MIIP: variants seen among roughly 807,000 people sequenced by gnomAD.
The protein encoded by MIIP is migration and invasion inhibitory protein.
Under a neutral mutation model 44.8 loss-of-function variants are expected in MIIP, and 44 were observed. That is an observed-to-expected ratio of 0.98 (90% CI 0.77 to 1.26). The LOEUF (loss-of-function observed/expected upper bound fraction) is 1.26. Ranked by LOEUF, MIIP falls within the 50% of genes most tolerant of loss-of-function variation. The pLI is 0.00. For missense variants in MIIP, 496 were observed against 511.7 expected (o/e 0.97, Z 0.30); for synonymous variants, 225 against 218.3 (o/e 1.03, Z -0.27).
intron 6 of MIIP, 160 bp from the exon 7 acceptor site, chr1:12,029,605 C>A: frequency 9.6e-7 from 1 of 1,046,842 alleles, no homozygotes; most frequent in Non-Finnish European, 1.4e-6. Flanking sequence ...AGGGCGTGGG[C>A]CCCAGGTTCT....
intron 4 of MIIP, among the ~76,000 whole-genome samples, chr1:12,028,345 T>C (rs1320030803): frequency 2.0e-5 from 3 of 152,166 alleles, no homozygotes; most frequent in Non-Finnish European, 4.4e-5. Context: ...TGTAAAAATA[T>C]GTGGCTGATG....
intron 8 of MIIP, 89 bp from the exon 9 acceptor site, chr1:12,031,177 G>C: frequency 6.8e-7 from 1 of 1,465,920 alleles, no homozygotes; most frequent in Non-Finnish European, 9.2e-7. Flanking sequence ...CTTCCTAATG[G>C]GGGGCACAGT....
chr1:12,022,521 G>A, intron 3 of MIIP, 79 bp downstream of exon 3: 1 of 1,222,694 alleles, frequency 8.2e-7, no homozygotes, highest in Non-Finnish European at 1.1e-6. Flanking sequence ...ACATGTGCTT[G>A]TGGGTAGCCT....
At chr1:12,020,124 A>G (rs1165682268) in intron 1 of MIIP, among the ~76,000 whole-genome samples, 2 of 152,174 alleles carry the variant, frequency 1.3e-5, no homozygotes, top group Non-Finnish European at 2.9e-5. Context: ...TTCCAGGGAA[A>G]GGCTTTCCAA....
chr1:12,031,597 CGCCTGCCCTGCT>C (rs1253744216), intron 9 of MIIP, 113 bp from the exon 10 acceptor site: 12 of 1,609,208 alleles, frequency 7.5e-6, no homozygotes, highest in Non-Finnish European at 5.1e-6. Context: ...TGCTCCCTGC[CGCCTGCCCTGCT>C]CCACCCAGGA....
chr1:12,020,310 G>A (rs1222713342), intron 1 of MIIP, among the ~76,000 whole-genome samples: 1 of 152,168 alleles, frequency 6.6e-6, no homozygotes, highest in African/African-American at 2.4e-5. Flanking sequence ...TTTGAAGCCT[G>A]ATTTGTGTTG....
intron 8 of MIIP, among the ~76,000 whole-genome samples, chr1:12,030,774 C>CA (rs139223223): frequency 0.45 from 61,529 of 135,410 alleles, 13,687 homozygotes; most frequent in Middle Eastern, 0.51. Context: ...GACTCCATCT[C>CA]AAAAAAAAAA....
chr1:12,026,840 G>T (rs993217593), intron 4 of MIIP, among the ~76,000 whole-genome samples: 1 of 152,268 alleles, frequency 6.6e-6, no homozygotes, highest in Middle Eastern at 3.4e-3. Flanking sequence ...TCCAGTCGGG[G>T]TAAAGCCGCT....
At chr1:12,025,741 C>T (rs1640092746) in intron 4 of MIIP, among the ~76,000 whole-genome samples, 1 of 152,146 alleles carries the variant, frequency 6.6e-6, no homozygotes, top group African/African-American at 2.4e-5. Flanking sequence ...TTCTCTGTTG[C>T]CCAGAGTCAA....
chr1:12,023,913 G>A (rs1316982892), intron 4 of MIIP: 2 of 152,116 alleles, frequency 1.3e-5, no homozygotes, highest in Non-Finnish European at 2.9e-5. Flanking sequence ...AGAATTGCTT[G>A]AACCCGGGAG....
chr1:12,020,622 C>G (rs1639950667), intron 1 of MIIP, among the ~76,000 whole-genome samples: 1 of 152,238 alleles, frequency 6.6e-6, no homozygotes, highest in African/African-American at 2.4e-5. Context: ...ATTCTCCTGC[C>G]TCAGCAGCCT....
intron 4 of MIIP, 70 bp from the exon 5 acceptor site, chr1:12,028,963 C>G: frequency 7.5e-7 from 1 of 1,328,656 alleles, no homozygotes; most frequent in Non-Finnish European, 1.1e-6. Flanking sequence ...CTCTCCAAGC[C>G]TTGGCCGGTG....
chr1:12,020,852 T>A (rs1012123571), intron 1 of MIIP, among the ~76,000 whole-genome samples: 8 of 151,770 alleles, frequency 5.3e-5, no homozygotes. Context: ...CCCGGCTAAT[T>A]TTTGCATTTT....
At chr1:12,030,817 T>A (rs1266922500) in intron 8 of MIIP, among the ~76,000 whole-genome samples, 2 of 150,194 alleles carry the variant, frequency 1.3e-5, no homozygotes, top group Admixed American at 1.3e-4. Flanking sequence ...CAGGTCGGGA[T>A]GGGGTGCCAG....
At chr1:12,029,999 C>T (rs1640198561) in intron 7 of MIIP, 29 bp from the exon 8 acceptor site, 13 of 1,611,394 alleles carry the variant, frequency 8.1e-6, no homozygotes, top group Non-Finnish European at 1.1e-5. Flanking sequence ...GGAGGCTCCT[C>T]AGGGGTCCCC....
intron 4 of MIIP, chr1:12,028,754 C>T (rs1640157525): frequency 6.6e-6 from 3 of 456,574 alleles, no homozygotes; most frequent in East Asian, 8.1e-5. Flanking sequence ...CTTTGTCTGT[C>T]TAGTTCCTGG....
At chr1:12,022,513 A>G (rs1569915615) in intron 3 of MIIP, 71 bp downstream of exon 3, 1 of 1,282,528 alleles carries the variant, frequency 7.8e-7, no homozygotes, top group Non-Finnish European at 1.1e-6. Flanking sequence ...TATCTGACAC[A>G]TGTGCTTGTG....
At chr1:12,025,160 A>G (rs1640079050) in intron 4 of MIIP, among the ~76,000 whole-genome samples, 1 of 149,238 alleles carries the variant, frequency 6.7e-6, no homozygotes, top group Non-Finnish European at 1.5e-5. Context: ...CCCGGGTTCG[A>G]GTGGTTCTTG....
intron 8 of MIIP, among the ~76,000 whole-genome samples, chr1:12,030,556 C>CTTTTTTTT (rs71568383): frequency 5.1e-5 from 3 of 59,070 alleles, no homozygotes; most frequent in Non-Finnish European, 9.3e-5. Flanking sequence ...GCTGCTGCTG[C>CTTTTTTTT]TTTTTTTTTT....
Sources: allele counts gnomAD v4.1 joint callset (sites outside exome capture counted in the v4.1 genomes callset), GRCh38; gene constraint gnomAD v4.1.1; transcripts MANE v1.5; gene names NCBI Gene and HGNC (gene_info 2026-07-23, HGNC 2026-07-21).